LSR: variants seen among roughly 807,000 people sequenced by gnomAD.
LSR encodes the protein lipolysis-stimulated lipoprotein receptor.
Under a neutral mutation model 61.8 loss-of-function variants are expected in LSR, and 44 were observed. The observed-to-expected ratio is 0.71, with a 90% CI of 0.56 to 0.91. The LOEUF is 0.91. LSR is among the 40% of genes least tolerant of loss of function. LSR has a pLI of 0.00. For synonymous variants in LSR, 397 were observed against 350.6 expected, an observed-to-expected ratio of 1.13 and a Z score of -1.48; for missense variants, 911 against 830.5, an observed-to-expected ratio of 1.10 and a Z score of -1.19.
intron 3 of LSR, among the ~76,000 whole-genome samples, chr19:35,259,875 C>A (rs1337334869): frequency 6.6e-6 from 1 of 152,190 alleles, no homozygotes; most frequent in Non-Finnish European, 1.5e-5. Flanking sequence ...AGGGGCAGGG[C>A]GGGGTGTCCG....
chr19:35,261,676 C>T (rs1312971956), intron 3 of LSR, among the ~76,000 whole-genome samples: 1 of 152,206 alleles, frequency 6.6e-6, no homozygotes, highest in East Asian at 1.9e-4. Flanking sequence ...GCCCTCAGAA[C>T]CCCCTGGGAT....
chr19:35,262,931 G>T (rs1164128086), intron 5 of LSR: 3 of 525,374 alleles, frequency 5.7e-6, no homozygotes, highest in Non-Finnish European at 1.0e-5. Context: ...CATACACATG[G>T]TAAAAATGTC....
chr19:35,259,081 AG>A lies in LSR; in HGVS notation c.574+22del, dbSNP rs753733182. The A allele has an allele frequency of 2.4e-5, 39 of 1,609,226 alleles. No individual in the cohort carries two copies. The highest frequency in any genetic ancestry group is 3.3e-5 in the Admixed American group (2 of 59,770). On this transcript the variant is annotated intron_variant, in intron 3 of 9. Transcript: ENST00000605618. The stretch of plus-strand genomic sequence containing the variant: ...TCGTCCTTGGTGAGTGGGCCTGGGA[AG>A]GGGGAGGCATGGCCCTTCCTTTTGT...
chr19:35,250,764 G>A, intron 2 of LSR, 105 bp downstream of exon 2: 5 of 776,610 alleles, frequency 6.4e-6, no homozygotes, highest in Non-Finnish European at 9.9e-6. Context: ...TTGAGTGCCA[G>A]TGTCTGAAAG....
chr19:35,260,775 C>T (rs2065917166), intron 3 of LSR, among the ~76,000 whole-genome samples: 1 of 151,882 alleles, frequency 6.6e-6, no homozygotes. Flanking sequence ...TGCAGTGAGC[C>T]GTGACTATGC....
chr19:35,259,350 G>C, intron 3 of LSR: 1 of 278,568 alleles, frequency 3.6e-6, no homozygotes, highest in South Asian at 4.9e-5. Flanking sequence ...AAAAAATCCA[G>C]ACTTGGGGTC....
At chr19:35,260,380 C>T (rs1424064098) in intron 3 of LSR, among the ~76,000 whole-genome samples, 2 of 150,254 alleles carry the variant, frequency 1.3e-5, no homozygotes, top group Admixed American at 1.3e-4. Flanking sequence ...CAAGCTTCAC[C>T]TCCTGGGTTC....
intron 2 of LSR, among the ~76,000 whole-genome samples, chr19:35,251,239 G>A (rs780208734): frequency 6.6e-6 from 1 of 152,028 alleles, no homozygotes; most frequent in East Asian, 1.9e-4. Flanking sequence ...CACTTCCCTC[G>A]TGGAGCCCAC....
intron 5 of LSR, among the ~76,000 whole-genome samples, chr19:35,263,857 A>C (rs1334463171): frequency 6.7e-6 from 1 of 150,340 alleles, no homozygotes; most frequent in East Asian, 2.0e-4. Context: ...CCCAGGCTGG[A>C]GTAAAGTGGC....
chr19:35,250,715 C>T (rs1413673517), intron 2 of LSR, 56 bp downstream of exon 2: 3 of 1,376,242 alleles, frequency 2.2e-6, no homozygotes, highest in East Asian at 2.5e-5. Context: ...GTGGGACTGG[C>T]GTCCTTGTGC....
intron 3 of LSR, among the ~76,000 whole-genome samples, chr19:35,260,860 A>G (rs963285149): frequency 3.9e-5 from 6 of 152,128 alleles, no homozygotes; most frequent in Non-Finnish European, 7.4e-5. Flanking sequence ...ACACACGCAT[A>G]TAGTCCATTA....
Position 35,249,099 on chromosome 19 carries a change from T to G in LSR, c.77T>G (p.Phe26Cys), listed in dbSNP as rs1006043085. Residue 26 changes from phenylalanine to cysteine, a missense_variant, in exon 1 of 10, where the codon TTC (phenylalanine) becomes TGC (cysteine). Phe to Cys is a radical substitution (Grantham distance 205). Transcript: ENST00000605618. ...PAAAGRDAVVFVWLLLSTWCT... is the reference protein window; with the variant it reads ...PAAAGRDAVVCVWLLLSTWCT... The stretch of plus-strand genomic sequence containing the variant: ...GCCGCAGGCCGGGACGCGGTCGTCT[T>G]CGTGTGGCTTCTGCTTAGCACCTGG... 1.3e-6 allele frequency: 2 copies of G among 1,551,964 alleles called. No individual in the cohort carries two copies. The highest frequency in any genetic ancestry group is 1.7e-6 in the Non-Finnish European group (2 of 1,149,778).
At chr19:35,249,435 C>A in intron 1 of LSR, 1 of 398,842 alleles carries the variant, frequency 2.5e-6, no homozygotes, top group Non-Finnish European at 4.5e-6. Flanking sequence ...CGCCCGATCT[C>A]TGGGAAAAGA....
rs2065752930 is a variant in LSR, at chr19:35,249,017, G to A, written c.-6G>A. ...CGCGCGGGCCAGACGCGCCCAGACG[G>A]CCGCGATGGCGCTGTTGGCCGGCGG... On this transcript the variant is annotated 5_prime_UTR_variant, in exon 1 of 10. Transcript: ENST00000605618. 6.2e-7 allele frequency: 1 copy of A among 1,607,088 alleles called. No individual in the cohort carries two copies. The highest frequency in any genetic ancestry group is 8.5e-7 in the Non-Finnish European group (1 of 1,177,182).
In LSR at chr19:35,258,973, G is replaced by T. The variant is rs929643978; in HGVS notation, c.483G>T (p.Ala161=). 6 of 1,613,922 alleles carry T rather than the reference G, an allele frequency of 3.7e-6. No individual in the cohort carries two copies. Among genetic ancestry groups the T allele is most frequent in the Non-Finnish European group, 5.1e-6 (6 of 1,180,006 alleles). ...GNADLTFDQT[A]WGDSGVYYCS... is the part of the protein sequence containing the mutation. Reference sequence around the variant, plus strand: ...CTGACCTGACCTTTGACCAGACGGCGTGGGGGGACAGTGGTGTGTATTACT... The same window carrying T: ...CTGACCTGACCTTTGACCAGACGGCTTGGGGGGACAGTGGTGTGTATTACT... Residue 161 remains alanine (A), a synonymous_variant, in exon 3 of 10, where the codon GCG becomes GCT. Coordinates refer to ENST00000605618, the MANE Select transcript of LSR (RefSeq NM_205834.4).
rs750738774 is a variant in LSR, at chr19:35,250,512, G to T, written c.307G>T (p.Ala103Ser). Residue 103 changes from alanine to serine, a missense_variant, in exon 2 of 10, where the codon GCC becomes TCC. Physicochemically the swap from Ala to Ser is moderately conservative, Grantham distance 99. Coordinates refer to ENST00000605618, the MANE Select transcript of LSR (RefSeq NM_205834.4). ...SPASVDNQLN[A>S]QLAAGNPGYN... ...GGCCAGCGTCGACAACCAGCTCAAT[G>T]CCCAGCTGGCAGCCGGGAACCCAGG... The T allele has an allele frequency of 1.9e-6, 3 of 1,614,142 alleles. No homozygotes were observed. Among genetic ancestry groups the T allele is most frequent in the Admixed American group, 3.3e-5 (2 of 60,018 alleles).
intron 3 of LSR, chr19:35,259,362 G>A (rs1354617912): frequency 3.9e-5 from 10 of 256,164 alleles, no homozygotes; most frequent in Non-Finnish European, 7.6e-5. Flanking sequence ...CTTGGGGTCC[G>A]GGTGCGGTAG....
At chr19:35,251,728 C>T (rs939864228) in intron 2 of LSR, 3 of 152,308 alleles carry the variant, frequency 2.0e-5, no homozygotes, top group Non-Finnish European at 4.4e-5. Context: ...ATTGAGTCCT[C>T]TCCTCTACCC....
At position 35,266,933 on chromosome 19, in the gene LSR, T is replaced by G; in HGVS notation, c.1110T>G (p.Ser370=). Residue 370 remains serine, a synonymous_variant, in exon 8 of 10, where the codon TCT becomes TCG. Transcript: ENST00000605618. The stretch of plus-strand genomic sequence containing the variant: ...AGGAGCTGGCCAACTTCGACCCTTC[T>G]CGACCTGGCCCCCCCAGTGGCCGTG... The part of the protein sequence containing the change: ...MEKELANFDP[S]RPGPPSGRVE... 3 of 1,613,716 alleles carry G rather than the reference T, an allele frequency of 1.9e-6. No homozygotes were observed. The highest frequency in any genetic ancestry group is 2.5e-6 in the Non-Finnish European group (3 of 1,179,842).
Sources: allele counts gnomAD v4.1 joint callset (sites outside exome capture counted in the v4.1 genomes callset), GRCh38; gene constraint gnomAD v4.1.1; transcripts MANE v1.5; gene names NCBI Gene and HGNC (gene_info 2026-07-23, HGNC 2026-07-21).